The following PRDM16 variants were observed in gnomAD, a reference collection of about 807,000 sequenced individuals.
PRDM16 encodes the protein PR/SET domain 16, also known as histone-lysine N-methyltransferase PRDM16.
PRDM16 carries 23 observed loss-of-function variants against 110.6 expected under a neutral mutation model. That is an observed-to-expected ratio of 0.21 (90% confidence interval 0.15 to 0.29). PRDM16 has a LOEUF of 0.29. Ranked by LOEUF, PRDM16 falls within the 10% of genes least tolerant of loss-of-function variation. The pLI, the probability that PRDM16 is intolerant of heterozygous loss-of-function variation, is 1.00. For missense variants in PRDM16, 1,615 were observed against 1,794.3 expected (o/e 0.90, Z 1.81); for synonymous variants, 799 against 781.8 (o/e 1.02, Z -0.37).
At chr1:3,409,834 G>GTGTATGTGCGT (rs1553175959) in intron 8 of PRDM16, among the ~76,000 whole-genome samples, 7 of 125,800 alleles carry the variant, frequency 5.6e-5, no homozygotes, top group Admixed American at 3.1e-4. Flanking sequence ...GTTGTGTGTG[G>GTGTATGTGCGT]GTGTGTGGTG....
intron 2 of PRDM16, among the ~76,000 whole-genome samples, chr1:3,197,241 C>T (rs1458757819): frequency 6.6e-6 from 1 of 152,110 alleles, no homozygotes; most frequent in African/African-American, 2.4e-5. Flanking sequence ...GCTGGGTGGA[C>T]CCAGGACAAG....
chr1:3,196,634 T>C (rs1237593310), intron 2 of PRDM16, among the ~76,000 whole-genome samples: 1 of 152,202 alleles, frequency 6.6e-6, no homozygotes. Context: ...GGTCAGCCTG[T>C]GAGACCCCCA....
intron 5 of PRDM16, among the ~76,000 whole-genome samples, chr1:3,400,520 C>T (rs1643449386): frequency 6.6e-6 from 1 of 152,198 alleles, no homozygotes. Context: ...CTCCTGGCAG[C>T]TCCTAGGTGG....
chr1:3,247,039 C>T (rs1569919070), intron 3 of PRDM16, among the ~76,000 whole-genome samples: 1 of 152,104 alleles, frequency 6.6e-6, no homozygotes, highest in African/African-American at 2.4e-5. Flanking sequence ...AGGATGAATT[C>T]AGTACAGTCC....
chr1:3,250,386 C>T (rs750462946), intron 3 of PRDM16, among the ~76,000 whole-genome samples: 6 of 152,128 alleles, frequency 3.9e-5, no homozygotes, highest in Non-Finnish European at 7.4e-5. Context: ...TGATTAATGG[C>T]CCGTTAGCAT....
chr1:3,138,229 G>A lies in PRDM16; in HGVS notation c.38-47896G>A, dbSNP rs80225901. ...GCCGCATCCCTCCCAGCGCAACCAC[G>A]GGGTGTGGCTTTGTGCAGAAAGGAA... is the stretch of plus-strand genomic sequence containing the variant. On this transcript the variant is annotated intron_variant, in intron 1 of 16. Coordinates refer to ENST00000270722, the MANE Select transcript of PRDM16 (RefSeq NM_022114.4). Among the ~76,000 whole-genome samples, 17 of 152,350 alleles carry A rather than the reference G, an allele frequency of 1.1e-4. No homozygotes were observed. In the East Asian group the frequency reaches 2.1e-3, roughly 19 times the overall value.
intron 3 of PRDM16, among the ~76,000 whole-genome samples, chr1:3,292,223 C>G (rs1233156289): frequency 1.3e-5 from 2 of 152,182 alleles, no homozygotes; most frequent in South Asian, 2.1e-4. Flanking sequence ...GAGGAACCTG[C>G]CGTGGCCCGG....
rs980040961 is a variant in PRDM16 at position 3,148,039 on chromosome 1, C to T, written c.38-38086C>T. On this transcript the variant is annotated intron_variant, in intron 1 of 16. Transcript: ENST00000270722. The surrounding 1 kb of genome is among the most constrained non-coding windows in gnomAD (Gnocchi z 5.0). ...CTGCTCACCTGCAACTTGGGAATAC[C>T]GAGATGCATTCAGATTCAAGTTCGG... Among the ~76,000 whole-genome samples the T allele has an allele frequency of 2.0e-5, 3 of 151,832 alleles. No homozygotes were observed. Among genetic ancestry groups the T allele is most frequent in the African/African-American group, 4.9e-5 (2 of 41,194 alleles).
chr1:3,162,144 C>T (rs758332777), intron 1 of PRDM16, among the ~76,000 whole-genome samples: 5 of 152,176 alleles, frequency 3.3e-5, no homozygotes, highest in Non-Finnish European at 7.4e-5. Context: ...CACCCGTGAG[C>T]GTGGCATTAG....
At chr1:3,338,085 G>C (rs1376071430) in intron 3 of PRDM16, among the ~76,000 whole-genome samples, 3 of 152,206 alleles carry the variant, frequency 2.0e-5, no homozygotes, top group African/African-American at 7.2e-5. Flanking sequence ...GCACACACGT[G>C]TGCACACACA....
In PRDM16 at chr1:3,265,152, G is replaced by A. The variant is rs1402011322; in HGVS notation, c.438+21015G>A. On this transcript the variant is annotated intron_variant, in intron 3 of 16. Transcript: ENST00000270722. The surrounding 1 kb of genome is among the most constrained non-coding windows in gnomAD (Gnocchi z 4.5). ...GCCACCTATTGAGGCCGAGGCGAGC[G>A]GGCTGTTAGGACTGGGACTGAGGGT... Among the ~76,000 whole-genome samples, 2 of 152,092 alleles carry A rather than the reference G, an allele frequency of 1.3e-5. No homozygotes were observed. Among genetic ancestry groups the A allele is most frequent in the Non-Finnish European group, 2.9e-5 (2 of 68,004 alleles).
chr1:3,371,469 C>T (rs530771450), intron 3 of PRDM16, among the ~76,000 whole-genome samples: 27 of 151,518 alleles, frequency 1.8e-4, no homozygotes, highest in Non-Finnish European at 3.0e-4. Context: ...ACCCATCCAC[C>T]ATCTATCCAT....
chr1:3,314,205 G>A (rs935503487), intron 3 of PRDM16, among the ~76,000 whole-genome samples: 4 of 152,024 alleles, frequency 2.6e-5, no homozygotes, highest in African/African-American at 7.3e-5. Context: ...CCCACGTGGT[G>A]GGGGAGGACC....
At chr1:3,298,417 C>T (rs536712105) in intron 3 of PRDM16, among the ~76,000 whole-genome samples, 1 of 152,362 alleles carries the variant, frequency 6.6e-6, no homozygotes. Flanking sequence ...TGACGGCCGA[C>T]ACCAGCCTGG....
At chr1:3,300,832 C>T (rs1474873695) in intron 3 of PRDM16, among the ~76,000 whole-genome samples, 1 of 152,218 alleles carries the variant, frequency 6.6e-6, no homozygotes, top group African/African-American at 2.4e-5. Flanking sequence ...TATCTTCCTT[C>T]AACCGCTTAG....
chr1:3,385,419 C>T (rs1461756561), intron 4 of PRDM16, 133 bp downstream of exon 4: 7 of 963,948 alleles, frequency 7.3e-6, no homozygotes, highest in South Asian at 1.5e-5. Context: ...CCCTGGCCTG[C>T]AGTGGGGGTG....
intron 3 of PRDM16, among the ~76,000 whole-genome samples, chr1:3,276,641 T>C (rs781159286): frequency 2.7e-4 from 7 of 25,886 alleles, no homozygotes; most frequent in Non-Finnish European, 5.6e-4. Context: ...CTTGGCAGCA[T>C]GTTCAGCTCG....
intron 3 of PRDM16, among the ~76,000 whole-genome samples, chr1:3,371,515 CCCATCCACCATCTAT>C (rs1203345763): frequency 2.0e-5 from 3 of 151,004 alleles, no homozygotes; most frequent in African/African-American, 7.3e-5. Context: ...CACTCACCCA[CCCATCCACCATCTAT>C]CCATCCATCC....
chr1:3,084,378 T>C (rs1349745558), intron 1 of PRDM16, among the ~76,000 whole-genome samples: 1 of 152,170 alleles, frequency 6.6e-6, no homozygotes. Context: ...AACACAGTGC[T>C]GATGGGGCCG....
Sources: gnomAD v4.1 joint callset for allele counts (sites outside exome capture counted in the v4.1 genomes callset) on GRCh38, gnomAD v4.1.1 for gene constraint, Gnocchi (gnomAD v3.1) non-coding constraint, MANE v1.5 for transcripts, NCBI Gene and HGNC (gene_info 2026-07-23, HGNC 2026-07-21) for gene names.